The following PPP2R5C variants were observed in gnomAD, a reference collection of about 807,000 sequenced individuals.
PPP2R5C encodes protein phosphatase 2 regulatory subunit B'gamma, also known as serine/threonine-protein phosphatase 2A 56 kDa regulatory subunit gamma isoform.
A neutral mutation model predicts 68.9 loss-of-function variants in PPP2R5C; 7 were observed. The ratio of observed to expected loss-of-function variants is 0.10; its 90% CI spans 0.06 to 0.19. The LOEUF (loss-of-function observed/expected upper bound fraction) is 0.19. Among genes scored for constraint, PPP2R5C ranks in the 10% least tolerant of loss-of-function variants. PPP2R5C has a pLI of 1.00. For synonymous variants in PPP2R5C, 210 were observed against 222.2 expected (o/e 0.95, Z 0.49); for missense variants, 348 against 641.3 (o/e 0.54, Z 4.94).
At chr14:101,901,599 G>A in intron 8 of PPP2R5C, 120 bp from the exon 11 acceptor site, 3 of 944,194 alleles carry the variant, frequency 3.2e-6, no homozygotes, top group Non-Finnish European at 5.0e-6. Context: ...TAAGGAAGAT[G>A]GCACCATCTC....
chr14:101,796,853 C>T, intron 3 of PPP2R5C: 1 of 263,676 alleles, frequency 3.8e-6, no homozygotes, highest in Non-Finnish European at 7.6e-6. Context: ...GCTGCCTCTG[C>T]TCCTCAAGTG....
At chr14:101,869,834 T>C (rs1236108172) in intron 2 of PPP2R5C, among the ~76,000 whole-genome samples, 3 of 152,070 alleles carry the variant, frequency 2.0e-5, no homozygotes, top group African/African-American at 7.2e-5. Context: ...GTATTTTTAG[T>C]AGAGACAAGG....
intron 3 of PPP2R5C, among the ~76,000 whole-genome samples, chr14:101,795,943 C>T (rs1443933156): frequency 3.3e-5 from 5 of 152,176 alleles, no homozygotes; most frequent in Admixed American, 3.3e-4. Flanking sequence ...CCAGCTCAGC[C>T]TTCCAAGTAG....
intron 2 of PPP2R5C, among the ~76,000 whole-genome samples, chr14:101,776,017 A>G: frequency 6.7e-6 from 1 of 150,254 alleles, no homozygotes. Flanking sequence ...AGCATTTCAG[A>G]TTGTGCCCCC....
chr14:101,847,794 CTG>C (rs2041926911), intron 1 of PPP2R5C, among the ~76,000 whole-genome samples: 1 of 151,860 alleles, frequency 6.6e-6, no homozygotes, highest in Middle Eastern at 3.4e-3. Context: ...TCCCGAGTAA[CTG>C]GGACTACAGG....
Position 101,869,350 on chromosome 14 carries a change from A to G in PPP2R5C, c.294+12465A>G, listed in dbSNP as rs759481155. Among the ~76,000 whole-genome samples the G allele has an allele frequency of 8.4e-4, 128 of 152,178 alleles. 2 individuals carry two copies. The highest frequency in any genetic ancestry group is 1.5e-3 in the Non-Finnish European group (102 of 68,024). ...TCCATTTCCTATGGAGGGATATTTG[A>G]GGTGTTTCCAGTTTTATTTGGAGCA... On this transcript the variant is annotated intron_variant, in intron 2 of 13. Transcript: ENST00000334743.
At chr14:101,863,706 G>C (rs2042894255) in intron 2 of PPP2R5C, among the ~76,000 whole-genome samples, 1 of 152,088 alleles carries the variant, frequency 6.6e-6, no homozygotes, top group African/African-American at 2.4e-5. Context: ...AAACCAGCCT[G>C]GCCAACATGG....
intron 2 of PPP2R5C, 29 bp from the exon 3 acceptor site, chr14:101,785,989 T>C (rs1050220232): frequency 1.3e-6 from 2 of 1,513,502 alleles, no homozygotes; most frequent in Non-Finnish European, 1.8e-6. Context: ...ATTGTACATA[T>C]TCATTTGTTT....
chr14:101,864,860 C>T (rs987250094), intron 2 of PPP2R5C, among the ~76,000 whole-genome samples: 4 of 152,072 alleles, frequency 2.6e-5, no homozygotes, highest in African/African-American at 4.8e-5. Flanking sequence ...CCGTTTGCTC[C>T]GGCTGCAGTG....
chr14:101,852,469 C>CTTTTTTTTTTTTTTTTTTTTTTTTTTCT (rs559509845), intron 1 of PPP2R5C, among the ~76,000 whole-genome samples: 1 of 115,106 alleles, frequency 8.7e-6, no homozygotes, highest in Non-Finnish European at 1.8e-5. Flanking sequence ...TTTTCTTTTT[C>CTTTTTTTTTTTTTTTTTTTTTTTTTTCT]TTTTTTTTTT....
At chr14:101,871,522 C>T (rs1455931686) in intron 2 of PPP2R5C, among the ~76,000 whole-genome samples, 3 of 152,120 alleles carry the variant, frequency 2.0e-5, no homozygotes, top group East Asian at 3.9e-4. Flanking sequence ...GGATTACAGG[C>T]GTGAACCACT....
chr14:101,824,330 G>A, intron 1 of PPP2R5C: 2 of 463,836 alleles, frequency 4.3e-6, no homozygotes, highest in African/African-American at 2.0e-5. Flanking sequence ...TTTTAGTGTA[G>A]ACATTTGTCT....
rs2037929128 is a variant in PPP2R5C at position 101,783,396 on chromosome 14, G to T, written c.94-2622G>T. Among the ~76,000 whole-genome samples, 3 of 150,900 alleles carry T rather than the reference G, an allele frequency of 2.0e-5. No homozygotes were observed. The South Asian group carries it at 6.3e-4, about 32-fold the overall frequency. Reference sequence around the variant, plus strand: ...AGAGGCCCTGCCCTCCTGAGCTGATGTCCCATCGGGGAGGAAGATGCCCCC... The same window carrying T: ...AGAGGCCCTGCCCTCCTGAGCTGATTTCCCATCGGGGAGGAAGATGCCCCC... On this transcript the variant is annotated intron_variant, in intron 2 of 14. Coordinates refer to the PPP2R5C transcript ENST00000328724.
At chr14:101,914,319 C>T (rs577431330) in intron 12 of PPP2R5C, 4 of 374,372 alleles carry the variant, frequency 1.1e-5, no homozygotes, top group African/African-American at 2.1e-5. Context: ...GGCACATGGT[C>T]TCCTAAACAG....
intron 5 of PPP2R5C, among the ~76,000 whole-genome samples, chr14:101,889,196 A>AT (rs998963499): frequency 6.6e-6 from 1 of 152,164 alleles, no homozygotes; most frequent in Non-Finnish European, 1.5e-5. Flanking sequence ...TCAGAGTTGA[A>AT]TTTTTTAATC....
At chr14:101,889,741 T>A in intron 5 of PPP2R5C, 1 of 321,204 alleles carries the variant, frequency 3.1e-6, no homozygotes, top group Non-Finnish European at 6.0e-6. Flanking sequence ...GCAGGTAGAA[T>A]AAGAGGAGTT....
intron 2 of PPP2R5C, among the ~76,000 whole-genome samples, chr14:101,774,720 G>T (rs1366341258): frequency 1.3e-5 from 2 of 152,132 alleles, no homozygotes; most frequent in South Asian, 4.1e-4. Flanking sequence ...GCAGGCTCAG[G>T]AGGTTTGCTG....
chr14:101,789,157 A>G (rs2038250635), intron 3 of PPP2R5C, among the ~76,000 whole-genome samples: 1 of 152,204 alleles, frequency 6.6e-6, no homozygotes, highest in Non-Finnish European at 1.5e-5. Context: ...AGATTCTTTT[A>G]TCTCTCTTCC....
intron 1 of PPP2R5C, among the ~76,000 whole-genome samples, chr14:101,814,433 G>T (rs983137278): frequency 5.9e-5 from 9 of 152,092 alleles, no homozygotes; most frequent in Admixed American, 2.0e-4. Flanking sequence ...AGGAAACAGG[G>T]GTGGGTATGT....
Sources: gnomAD v4.1 joint callset for allele counts (sites outside exome capture counted in the v4.1 genomes callset) on GRCh38, gnomAD v4.1.1 for gene constraint, MANE v1.5 for transcripts, NCBI Gene and HGNC (gene_info 2026-07-23, HGNC 2026-07-21) for gene names.